Variants in HPSE2 observed in about 807,000 individuals in gnomAD.
HPSE2 encodes inactive heparanase-2.
HPSE2 carries 38 observed loss-of-function variants against 60.5 expected under a neutral mutation model. That is an observed-to-expected ratio of 0.63 (90% confidence interval 0.48 to 0.82). The LOEUF (loss-of-function observed/expected upper bound fraction) is 0.82. Ranked by LOEUF, HPSE2 falls within the 40% of genes least tolerant of loss-of-function variation. The pLI is 0.00. For missense variants in HPSE2, 713 were observed against 740.4 expected, an observed-to-expected ratio of 0.96 and a Z score of 0.43; for synonymous variants, 295 against 293.2, an observed-to-expected ratio of 1.01 and a Z score of -0.06.
intron 3 of HPSE2, among the ~76,000 whole-genome samples, chr10:98,849,017 A>C (rs1481283829): frequency 1.3e-5 from 1 of 77,566 alleles, no homozygotes; most frequent in Non-Finnish European, 2.5e-5. Context: ...TGGGAAAGAC[A>C]AAAAAAAAAA....
intron 9 of HPSE2, among the ~76,000 whole-genome samples, chr10:98,559,426 C>T (rs1564967371): frequency 6.6e-6 from 1 of 152,118 alleles, no homozygotes; most frequent in Non-Finnish European, 1.5e-5. Flanking sequence ...TCCCCCTGCC[C>T]CAACTCTACA....
At chr10:99,064,565 C>T (rs893407377) in intron 3 of HPSE2, among the ~76,000 whole-genome samples, 4 of 150,824 alleles carry the variant, frequency 2.7e-5, no homozygotes, top group African/African-American at 9.8e-5. Flanking sequence ...TATATGCAAT[C>T]GCTGTCCCAT....
intron 3 of HPSE2, among the ~76,000 whole-genome samples, chr10:99,064,982 T>C (rs938708721): frequency 6.6e-6 from 1 of 152,154 alleles, no homozygotes; most frequent in Non-Finnish European, 1.5e-5. Context: ...TTAAAGCTTA[T>C]TACAGACATT....
chr10:98,554,177 C>T lies in HPSE2; in HGVS notation c.1320+60727G>A, dbSNP rs369735889. On this transcript the variant is annotated intron_variant, in intron 9 of 11. Coordinates refer to ENST00000370552, the MANE Select transcript of HPSE2 (RefSeq NM_021828.5). Reference sequence around the variant, plus strand: ...ACCTGTCCTCCAAGCCTTACCTCTCCCAGCATCCTGCACACTGTCTCCTCT... The same window carrying T: ...ACCTGTCCTCCAAGCCTTACCTCTCTCAGCATCCTGCACACTGTCTCCTCT... 7.9e-5 allele frequency among the ~76,000 whole-genome samples: 12 copies of T among 152,280 alleles called. No individual in the cohort carries two copies. In the East Asian group the frequency reaches 1.5e-3, roughly 20 times the overall value.
chr10:98,599,984 A>G (rs1945352774), intron 9 of HPSE2, among the ~76,000 whole-genome samples: 1 of 152,138 alleles, frequency 6.6e-6, no homozygotes, highest in Non-Finnish European at 1.5e-5. Flanking sequence ...CATGTTTCCT[A>G]AAGGGAATCT....
chr10:98,591,317 T>C (rs960726052), intron 9 of HPSE2, among the ~76,000 whole-genome samples: 4 of 152,208 alleles, frequency 2.6e-5, no homozygotes, highest in African/African-American at 4.8e-5. Flanking sequence ...GTCATTAATA[T>C]CATTGATCAT....
In HPSE2 at chr10:99,050,257, G is replaced by A. The variant is rs151083735; in HGVS notation, c.610+93981C>T. The stretch of plus-strand genomic sequence containing the variant: ...TCTGAGGCTGTAGTGGGGTATGACT[G>A]CACCACTGGACTCAAGCCTAGACAA... On this transcript the variant is annotated intron_variant, in intron 3 of 11. Transcript: ENST00000370552. 8.0e-3 allele frequency among the ~76,000 whole-genome samples: 1,209 copies of A among 151,716 alleles called. 9 individuals carry two copies. The highest frequency in any genetic ancestry group is 0.014 in the Non-Finnish European group (918 of 67,914).
intron 3 of HPSE2, among the ~76,000 whole-genome samples, chr10:98,906,566 C>G (rs917730055): frequency 6.6e-6 from 1 of 152,068 alleles, no homozygotes; most frequent in African/African-American, 2.4e-5. Flanking sequence ...CAAAAACAGA[C>G]AGTAAAATTT....
At chr10:98,608,333 T>A (rs1050335361) in intron 9 of HPSE2, among the ~76,000 whole-genome samples, 10 of 152,232 alleles carry the variant, frequency 6.6e-5, no homozygotes, top group African/African-American at 2.4e-4. Context: ...TCTAGAGCGC[T>A]TTCTGTTTCC....
chr10:98,813,743 GGATTA>G (rs1281165429), intron 3 of HPSE2, among the ~76,000 whole-genome samples: 1 of 151,986 alleles, frequency 6.6e-6, no homozygotes, highest in Non-Finnish European at 1.5e-5. Context: ...TTTTTATTTT[GGATTA>G]ACAAATGGTT....
intron 7 of HPSE2, among the ~76,000 whole-genome samples, chr10:98,633,856 C>T (rs1013675454): frequency 6.6e-6 from 1 of 152,136 alleles, no homozygotes; most frequent in African/African-American, 2.4e-5. Flanking sequence ...ACCTTTAAAG[C>T]CTTAGTGTGA....
upstream of HPSE2, among the ~76,000 whole-genome samples, chr10:99,238,861 A>G (rs143045556): frequency 9.8e-4 from 149 of 152,272 alleles, no homozygotes; most frequent in Middle Eastern, 0.01. Context: ...GGGCCTCTGT[A>G]TAAAATATGA....
chr10:98,800,620 T>A (rs1194503990), intron 3 of HPSE2, among the ~76,000 whole-genome samples: 2 of 151,588 alleles, frequency 1.3e-5, no homozygotes, highest in African/African-American at 4.8e-5. Flanking sequence ...AATTGGAAAA[T>A]CTAGCAGAAA....
chr10:99,274,860 A>G, the HPSE2 span, among the ~76,000 whole-genome samples: 1 of 152,226 alleles, frequency 6.6e-6, no homozygotes, highest in Admixed American at 6.5e-5. Flanking sequence ...TACAACATTC[A>G]TCTGGGAAAT....
chr10:98,744,522 C>T (rs895437746), intron 3 of HPSE2, among the ~76,000 whole-genome samples: 51 of 151,410 alleles, frequency 3.4e-4, no homozygotes, highest in African/African-American at 1.1e-3. Context: ...AGCGAAACTC[C>T]GTCTCAAAAA....
intron 2 of HPSE2, among the ~76,000 whole-genome samples, chr10:99,212,797 A>G (rs1006778133): frequency 6.6e-5 from 10 of 152,164 alleles, no homozygotes; most frequent in African/African-American, 2.4e-4. Flanking sequence ...CCACAGAAAA[A>G]TTAAAAAGTA....
intron 1 of HPSE2, among the ~76,000 whole-genome samples, chr10:99,232,953 A>C (rs1849713727): frequency 6.6e-6 from 1 of 152,242 alleles, no homozygotes; most frequent in Non-Finnish European, 1.5e-5. Flanking sequence ...TGTATGCTGA[A>C]AGCCGGCATT....
intron 3 of HPSE2, among the ~76,000 whole-genome samples, chr10:99,012,597 G>A (rs943380893): frequency 1.3e-5 from 2 of 151,908 alleles, no homozygotes; most frequent in African/African-American, 4.8e-5. Context: ...CTTTTCTTTA[G>A]AACTTAAATC....
chr10:98,462,619 T>A (rs1312287191), intron 11 of HPSE2, among the ~76,000 whole-genome samples: 1 of 152,230 alleles, frequency 6.6e-6, no homozygotes, highest in Admixed American at 6.5e-5. Context: ...GATATTTCTC[T>A]CTGTTTTCCT....
Sources: gnomAD v4.1 joint callset for allele counts (sites outside exome capture counted in the v4.1 genomes callset) on GRCh38, gnomAD v4.1.1 for gene constraint, MANE v1.5 for transcripts, NCBI Gene and HGNC (gene_info 2026-07-23, HGNC 2026-07-21) for gene names.